Variants in SORBS2 observed in about 807,000 individuals in gnomAD.
SORBS2 encodes sorbin and SH3 domain containing 2.
A neutral mutation model predicts 97.7 loss-of-function variants in SORBS2; 46 were observed. The ratio of observed to expected loss-of-function variants is 0.47; its 90% CI spans 0.37 to 0.60. The LOEUF is 0.60. Ranked by LOEUF, SORBS2 falls within the 20% of genes least tolerant of loss-of-function variation. The probability of loss-of-function intolerance (pLI) is 0.00; values close to 1 mark genes in which losing one functional copy is unlikely to be tolerated. For synonymous variants in SORBS2, 476 were observed against 473.4 expected (o/e 1.01, Z -0.07); for missense variants, 1,316 against 1,282.3 (o/e 1.03, Z -0.40).
chr4:185,902,795 G>C (rs1403757956), intron 1 of SORBS2, among the ~76,000 whole-genome samples: 3 of 151,998 alleles, frequency 2.0e-5, no homozygotes, highest in Non-Finnish European at 4.4e-5. Flanking sequence ...TATCGATTTT[G>C]TATATTACCT....
In SORBS2 at chr4:185,708,890, A is replaced by G. The variant is rs976631653; in HGVS notation, c.-197-30068T>C. On this transcript the variant is annotated intron_variant, in intron 2 of 20. Coordinates refer to the SORBS2 transcript ENST00000284776. ...ATCATGACTTTTATAATCTACTACTATCTTTTAAAATCTGCATTAGAATAT... is the reference window on the plus strand; with the variant it reads ...ATCATGACTTTTATAATCTACTACTGTCTTTTAAAATCTGCATTAGAATAT... Among the ~76,000 whole-genome samples, 6 of 152,250 alleles carry G rather than the reference A, an allele frequency of 3.9e-5. No homozygotes were observed. The East Asian group carries it at 7.7e-4, about 20-fold the overall frequency.
chr4:185,923,726 G>A (rs1224098849), intron 1 of SORBS2, among the ~76,000 whole-genome samples: 1 of 151,656 alleles, frequency 6.6e-6, no homozygotes, highest in African/African-American at 2.4e-5. Context: ...ATTTGTAAAT[G>A]AAAAAGACAC....
chr4:185,602,373 G>A (rs1378083980), intron 12 of SORBS2, among the ~76,000 whole-genome samples: 1 of 152,210 alleles, frequency 6.6e-6, no homozygotes, highest in African/African-American at 2.4e-5. Context: ...AAGACTGGGG[G>A]AAATATTGGA....
At chr4:185,637,804 TTCC>T (rs2097047417) in intron 4 of SORBS2, among the ~76,000 whole-genome samples, 1 of 152,128 alleles carries the variant, frequency 6.6e-6, no homozygotes, top group Non-Finnish European at 1.5e-5. Context: ...TGTCTGAATA[TTCC>T]ATCACAGAAA....
chr4:185,630,469 CTA>C (rs2096889012), intron 5 of SORBS2, 78 bp downstream of exon 17: 1 of 829,462 alleles, frequency 1.2e-6, no homozygotes, highest in African/African-American at 1.7e-5. Context: ...ATACTCATTA[CTA>C]CTTCACTGAA....
rs573867906 is a variant in SORBS2, at chr4:185,854,907, TA to T, written c.-337-79542del. Reference sequence around the variant, plus strand: ...GTGCTGTGAAACTCTCCTGTAACATTAAAATGCTTTCCACTAGAATTAGTGG... The same window carrying T: ...GTGCTGTGAAACTCTCCTGTAACATTAAATGCTTTCCACTAGAATTAGTGG... On this transcript the variant is annotated intron_variant, in intron 1 of 20. Coordinates refer to the SORBS2 transcript ENST00000284776. Among the ~76,000 whole-genome samples, 469 of 152,308 alleles carry T rather than the reference TA, an allele frequency of 3.1e-3. 1 individual carries two copies. Among genetic ancestry groups the T allele is most frequent in the Non-Finnish European group, 5.3e-3 (359 of 68,012 alleles).
At chr4:185,589,060 G>A (rs2153352742) in intron 14 of SORBS2, 1 of 152,538 alleles carries the variant, frequency 6.6e-6, no homozygotes, top group Non-Finnish European at 1.5e-5. Flanking sequence ...CTGCCCTGCA[G>A]CCTGTGTTTC....
chr4:185,749,634 C>T (rs2098787564), intron 2 of SORBS2, among the ~76,000 whole-genome samples: 1 of 152,092 alleles, frequency 6.6e-6, no homozygotes, highest in Non-Finnish European at 1.5e-5. Flanking sequence ...AGAGAAGAAA[C>T]AGTAAAGATA....
intron 4 of SORBS2, among the ~76,000 whole-genome samples, chr4:185,672,256 G>A (rs4599460): frequency 0.64 from 97,245 of 152,122 alleles, 31,824 homozygotes; most frequent in East Asian, 0.84. Context: ...CATGACAGTC[G>A]GGCAAGTTCC....
At chr4:185,685,405 T>C (rs1451262507) in intron 2 of SORBS2, among the ~76,000 whole-genome samples, 1 of 152,212 alleles carries the variant, frequency 6.6e-6, no homozygotes, top group East Asian at 1.9e-4. Context: ...CATGGCATCA[T>C]GGAAAGTCCA....
At chr4:185,858,891 G>A (rs2099222163) in intron 1 of SORBS2, among the ~76,000 whole-genome samples, 1 of 152,150 alleles carries the variant, frequency 6.6e-6, no homozygotes, top group South Asian at 2.1e-4. Flanking sequence ...AACATCAACA[G>A]GAGTCTGGAG....
At chr4:185,659,250 T>C (rs2097467608), upstream of SORBS2, among the ~76,000 whole-genome samples, 1 of 152,146 alleles carries the variant, frequency 6.6e-6, no homozygotes, top group Non-Finnish European at 1.5e-5. Context: ...TGTCCCTGAA[T>C]AAACGAACAG....
At chr4:185,697,654 A>G (rs1202115584) in intron 2 of SORBS2, among the ~76,000 whole-genome samples, 3 of 152,224 alleles carry the variant, frequency 2.0e-5, no homozygotes, top group Non-Finnish European at 4.4e-5. Flanking sequence ...GCCGAAAGCG[A>G]TGGCTGAATG....
chr4:185,896,378 G>T (rs2099245058), intron 1 of SORBS2, among the ~76,000 whole-genome samples: 1 of 152,218 alleles, frequency 6.6e-6, no homozygotes. Flanking sequence ...GAGATCAGGA[G>T]TTCAAGACCA....
chr4:185,601,288 A>G (rs1044007841), intron 12 of SORBS2, among the ~76,000 whole-genome samples: 1 of 152,184 alleles, frequency 6.6e-6, no homozygotes, highest in African/African-American at 2.4e-5. Context: ...GCCATTCTGG[A>G]TAAAGACCAC....
chr4:185,678,570 G>A, intron 3 of SORBS2, 23 bp from the exon 7 acceptor site: 1 of 1,498,210 alleles, frequency 6.7e-7, no homozygotes, highest in Non-Finnish European at 8.9e-7. Flanking sequence ...GAAAACAATT[G>A]GATACAAAAA....
intron 2 of SORBS2, among the ~76,000 whole-genome samples, chr4:185,686,730 C>A (rs1393295500): frequency 6.6e-6 from 1 of 152,238 alleles, no homozygotes; most frequent in Non-Finnish European, 1.5e-5. Context: ...GAACATCTCA[C>A]AAGCACATAG....
At chr4:185,856,547 A>G (rs561605796) in intron 1 of SORBS2, among the ~76,000 whole-genome samples, 1 of 152,138 alleles carries the variant, frequency 6.6e-6, no homozygotes, top group South Asian at 2.1e-4. Flanking sequence ...AAGCATCTCC[A>G]GTAACTTTTT....
At chr4:185,681,705 T>G (rs1423808001) in intron 2 of SORBS2, among the ~76,000 whole-genome samples, 3 of 152,200 alleles carry the variant, frequency 2.0e-5, no homozygotes, top group Non-Finnish European at 4.4e-5. Context: ...CTTTTCCTTG[T>G]GTCGAGGCAC....
Sources: gnomAD v4.1 joint callset for allele counts (sites outside exome capture counted in the v4.1 genomes callset) on GRCh38, gnomAD v4.1.1 for gene constraint, MANE v1.5 for transcripts, NCBI Gene and HGNC (gene_info 2026-07-23, HGNC 2026-07-21) for gene names.